PCDHA3: variants seen among roughly 807,000 people sequenced by gnomAD.
PCDHA3 encodes protocadherin alpha-3.
In PCDHA3, 41 loss-of-function variants were observed where a neutral mutation model predicts 62.2. The observed-to-expected ratio is 0.66, with a 90% CI of 0.51 to 0.86. The LOEUF (loss-of-function observed/expected upper bound fraction) is 0.86, where lower values mean the gene tolerates loss of function less well. Ranked by LOEUF, PCDHA3 falls within the 40% of genes least tolerant of loss-of-function variation. The pLI, the probability that PCDHA3 is intolerant of heterozygous loss-of-function variation, is 0.00. For synonymous variants in PCDHA3, 640 were observed against 555.4 expected (o/e 1.15, Z -2.14); for missense variants, 1,304 against 1,241.2 (o/e 1.05, Z -0.76).
At chr5:140,830,452 G>A (rs1771077963) in intron 1 of PCDHA3, 2 of 1,597,194 alleles carry the variant, frequency 1.3e-6, no homozygotes, top group African/African-American at 1.3e-5. Flanking sequence ...GTAAGGCGGA[G>A]AATCAGGATT....
At position 140,803,099 on chromosome 5, in the gene PCDHA3, C is replaced by T. The variant is rs1254134331; in HGVS notation, c.1902C>T (p.Thr634=). ...VGLYTGEIST[T]RALDEVDAPR... ...TGTACACGGGAGAGATCAGCACGAC[C>T]CGTGCCCTGGACGAGGTGGACGCCC... The change falls in exon 1 of 4, where the codon ACC becomes ACT. Residue 634 remains threonine, a synonymous_variant. Transcript: ENST00000522353. 3 of 1,613,756 alleles carry T rather than the reference C, an allele frequency of 1.9e-6. No homozygotes were observed. The highest frequency in any genetic ancestry group is 1.3e-5 in the African/African-American group (1 of 74,946).
Position 140,989,317 on chromosome 5 carries a change from C to T in PCDHA3, c.2542+6754C>T, listed in dbSNP as rs184467267. Among the ~76,000 whole-genome samples, 489 of 152,240 alleles carry T rather than the reference C, an allele frequency of 3.2e-3. 2 individuals carry two copies. Among genetic ancestry groups the T allele is most frequent in the African/African-American group, 0.011 (440 of 41,530 alleles). Reference sequence around the variant, plus strand: ...AAAGGGCCAAGGAAGTAGGGTCTCACCAACTTTGCCACCTGACTCAGCTCA... The same window carrying T: ...AAAGGGCCAAGGAAGTAGGGTCTCATCAACTTTGCCACCTGACTCAGCTCA... On this transcript the variant is annotated intron_variant, in intron 3 of 3. Transcript: ENST00000522353.
chr5:140,869,745 T>C (rs1407210744), intron 1 of PCDHA3: 3 of 1,613,220 alleles, frequency 1.9e-6, no homozygotes, highest in Non-Finnish European at 2.5e-6. Context: ...TGCTAACAGC[T>C]ACAGACGGGG....
At chr5:140,807,899 A>T (rs1391356364) in intron 1 of PCDHA3, 1 of 1,614,010 alleles carries the variant, frequency 6.2e-7, no homozygotes, top group Non-Finnish European at 8.5e-7. Context: ...TGCCAATGAC[A>T]ATGCCCCAGC....
intron 1 of PCDHA3, among the ~76,000 whole-genome samples, chr5:140,953,627 T>C (rs1298172951): frequency 6.6e-6 from 1 of 152,178 alleles, no homozygotes; most frequent in Non-Finnish European, 1.5e-5. Context: ...ATTTGCTTTA[T>C]GTATTTTGGC....
chr5:140,877,121 C>A, intron 1 of PCDHA3: 1 of 1,613,694 alleles, frequency 6.2e-7, no homozygotes, highest in African/African-American at 1.3e-5. Flanking sequence ...AGCAACGTGA[C>A]GCTGCAGGTG....
chr5:140,922,101 G>A (rs531054386), intron 1 of PCDHA3, among the ~76,000 whole-genome samples: 1 of 152,086 alleles, frequency 6.6e-6, no homozygotes, highest in Admixed American at 6.5e-5. Context: ...ACCAACTATA[G>A]ATAAATGAAA....
At chr5:140,976,742 AC>A (rs1170747899) in intron 1 of PCDHA3, among the ~76,000 whole-genome samples, 1 of 151,778 alleles carries the variant, frequency 6.6e-6, no homozygotes, top group Admixed American at 6.6e-5. Context: ...CATTTTAAAA[AC>A]CTCCCAGATG....
At chr5:140,858,285 G>C in intron 1 of PCDHA3, 1 of 1,597,520 alleles carries the variant, frequency 6.3e-7, no homozygotes, top group Non-Finnish European at 8.6e-7. Context: ...GTGGGGAGCT[G>C]GTCTTACTCG....
intron 1 of PCDHA3, chr5:140,822,368 C>T: frequency 6.2e-7 from 1 of 1,614,006 alleles, no homozygotes; most frequent in South Asian, 1.1e-5. Flanking sequence ...TTGAGGAAAT[C>T]CTTAGATAGA....
intron 1 of PCDHA3, chr5:140,868,350 A>G (rs962248912): frequency 6.6e-6 from 1 of 152,186 alleles, no homozygotes; most frequent in East Asian, 1.9e-4. Flanking sequence ...ATAATCAGAA[A>G]GCAATTAAAT....
chr5:140,829,618 G>A (rs2150171379), intron 1 of PCDHA3: 5 of 1,612,188 alleles, frequency 3.1e-6, no homozygotes, highest in Middle Eastern at 2.1e-4. Context: ...GCTACATTTC[G>A]GTGCACGCGG....
At chr5:140,915,766 T>G (rs2077298451) in intron 1 of PCDHA3, among the ~76,000 whole-genome samples, 1 of 151,974 alleles carries the variant, frequency 6.6e-6, no homozygotes, top group African/African-American at 2.4e-5. Context: ...CTGGGTCTTG[T>G]CCAAGGCCTG....
chr5:140,844,611 T>C (rs1779461835), intron 1 of PCDHA3, among the ~76,000 whole-genome samples: 1 of 149,406 alleles, frequency 6.7e-6, no homozygotes, highest in Non-Finnish European at 1.5e-5. Context: ...CTTAGAAAAA[T>C]GTTTTCATCA....
In PCDHA3 at chr5:140,802,833, G is replaced by C. The variant is rs782195436; in HGVS notation, c.1636G>C (p.Gly546Arg). ...GCGCGATGCGGGCGTGCCGCCTCTG[G>C]GCAGCAACGTGACGCTGCAGGTGTT... Reference protein sequence around the residue: ...SARDAGVPPLGSNVTLQVFVL... With the variant: ...SARDAGVPPLRSNVTLQVFVL... Residue 546 changes from glycine (G) to arginine (R), a missense_variant, in exon 1 of 4, where the codon GGC becomes CGC. Transcript: ENST00000522353. 6.2e-7 allele frequency: 1 copy of C among 1,613,478 alleles called. No individual in the cohort carries two copies. The highest frequency in any genetic ancestry group is 1.3e-5 in the African/African-American group (1 of 75,006).
intron 3 of PCDHA3, among the ~76,000 whole-genome samples, chr5:140,996,644 A>G (rs2097736322): frequency 6.6e-6 from 1 of 152,144 alleles, no homozygotes; most frequent in Non-Finnish European, 1.5e-5. Flanking sequence ...TATGTAGTTA[A>G]TCCTGGGTGC....
chr5:140,838,447 G>A (rs2150289486), intron 1 of PCDHA3, among the ~76,000 whole-genome samples: 2 of 151,510 alleles, frequency 1.3e-5, no homozygotes, highest in South Asian at 4.2e-4. Flanking sequence ...GGGTTTTGTG[G>A]CATATTATTT....
At chr5:140,905,594 G>A (rs62384488) in intron 1 of PCDHA3, among the ~76,000 whole-genome samples, 48,024 of 151,986 alleles carry the variant, frequency 0.32, 7,949 homozygotes, top group East Asian at 0.53. Flanking sequence ...ATTTTGCTGG[G>A]AATTGCATTG....
chr5:140,842,051 C>T (rs2150328197), intron 1 of PCDHA3: 3 of 1,613,736 alleles, frequency 1.9e-6, no homozygotes, highest in Non-Finnish European at 2.5e-6. Flanking sequence ...CACTTTCGAA[C>T]AGTCTGAATA....
Sources: gnomAD v4.1 joint callset for allele counts (sites outside exome capture counted in the v4.1 genomes callset) on GRCh38, gnomAD v4.1.1 for gene constraint, MANE v1.5 for transcripts, NCBI Gene and HGNC (gene_info 2026-07-23, HGNC 2026-07-21) for gene names.